Variants in BBS10 observed in about 807,000 individuals in gnomAD.
BBS10 encodes BBSome complex assembly protein BBS10.
Under a neutral mutation model 12.7 loss-of-function variants are expected in BBS10, and 13 were observed. The ratio of observed to expected loss-of-function variants is 1.03; its 90% CI spans 0.67 to 1.63. The LOEUF (loss-of-function observed/expected upper bound fraction) is 1.63, where lower values mean the gene tolerates loss of function less well. Ranked by LOEUF, BBS10 falls within the 40% of genes most tolerant of loss-of-function variation. The pLI, the probability that BBS10 is intolerant of heterozygous loss-of-function variation, is 0.00. For missense variants in BBS10, 858 were observed against 858.0 expected, an observed-to-expected ratio of 1.00 and a Z score of 0.00; for synonymous variants, 294 against 304.8, an observed-to-expected ratio of 0.96 and a Z score of 0.37.
In BBS10 at chr12:76,345,692, G is replaced by T; in HGVS notation, c.*121C>A. ...GTGACCTTAGTGTGCTTCTTCTAAA[G>T]ACTTTTAAAGTTACGCTATTTTCCT... On this transcript the variant is annotated 3_prime_UTR_variant, in exon 2 of 2. Transcript: ENST00000650064. The T allele has an allele frequency of 1.1e-6, 1 of 893,194 alleles. No individual in the cohort carries two copies. The allele number at this position is 893,194 out of a possible 1,614,324, so 55.3% of individuals were successfully genotyped here.
rs111773727 is a variant in BBS10, at chr12:76,346,301, A to C, written c.1684T>G (p.Leu562Val). The C allele has an allele frequency of 2.1e-5, 34 of 1,613,786 alleles. No homozygotes were observed. The highest frequency in any genetic ancestry group is 2.8e-5 in the Non-Finnish European group (33 of 1,179,904). ...TTTCTAGTAATATTTGTGACCTGTA[A>C]ATTTTCGTAAGAAATTTCTATTCTA... ...GNRIEISYENLQVTNITRKGS... is the reference protein window; with the variant it reads ...GNRIEISYENVQVTNITRKGS... The change falls in exon 2 of 2, where the codon TTA becomes GTA. Residue 562 changes from leucine to valine, a missense_variant. Leu to Val is a conservative substitution (Grantham distance 32, BLOSUM62 1). Transcript: ENST00000650064.
intron 1 of BBS10, 79 bp downstream of exon 1, chr12:76,348,083 T>C: frequency 6.8e-7 from 1 of 1,471,326 alleles, no homozygotes; most frequent in Non-Finnish European, 9.2e-7. Flanking sequence ...TAAGTACGCA[T>C]CGCCTCAGGA....
Position 76,346,957 on chromosome 12 carries a change from C to T in BBS10, c.1028G>A (p.Arg343Gln), listed in dbSNP as rs201335653. 2.3e-4 allele frequency: 372 copies of T among 1,610,700 alleles called. No homozygotes were observed. The highest frequency in any genetic ancestry group is 3.0e-4 in the Non-Finnish European group (356 of 1,179,990). ...AAATGGAGAAAGACCAATGATCCTC[C>T]GGATAAGAGAAACTTCTTCTGATGA... ...CLSSEEVSLI[R>Q]RIIGLSPFVP... The change falls in exon 2 of 2, where the codon CGG becomes CAG. Residue 343 changes from arginine (R) to glutamine (Q), a missense_variant. Physicochemically the swap from Arg to Gln is conservative, Grantham distance 43. Transcript: ENST00000650064.
Position 76,346,437 on chromosome 12 carries a change from T to G in BBS10, c.1548A>C (p.Thr516=). Residue 516 remains threonine, a synonymous_variant, in exon 2 of 2, where the codon ACA becomes ACC. Transcript: ENST00000650064. ...YSTPTLTPTD[T]FQTVETLTCL... ...ATGTCAGCGTTTCAACTGTTTGGAA[T>G]GTATCTGTTGGTGTCAGTGTGGGGG... 6.2e-7 allele frequency: 1 copy of G among 1,614,186 alleles called. No individual in the cohort carries two copies. The highest frequency in any genetic ancestry group is 8.5e-7 in the Non-Finnish European group (1 of 1,180,004).
intron 1 of BBS10, 83 bp downstream of exon 1, chr12:76,348,079 C>T: frequency 3.5e-6 from 5 of 1,443,882 alleles, no homozygotes; most frequent in Non-Finnish European, 4.7e-6. Flanking sequence ...TTTCTAAGTA[C>T]GCATCGCCTC....
At chr12:76,348,002 G>T (rs1357201518) in intron 1 of BBS10, among the ~76,000 whole-genome samples, 160 bp downstream of exon 1, 1 of 152,198 alleles carries the variant, frequency 6.6e-6, no homozygotes, top group Non-Finnish European at 1.5e-5. Context: ...AAGATTTGGG[G>T]TGCAGGAGTG....
chr12:76,346,843 T>C lies in BBS10; in HGVS notation c.1142A>G (p.Tyr381Cys), dbSNP rs1217115736. 4 of 1,614,086 alleles carry C rather than the reference T, an allele frequency of 2.5e-6. No homozygotes were observed. The highest frequency in any genetic ancestry group is 1.3e-5 in the African/African-American group (1 of 75,052). ...CKPLILRSKR[Y>C]VHLGLISTCA... is the part of the protein sequence containing the mutation. ...TGTGCTTATCAAGCCTAGATGAACA[T>C]ATCTTTTGGATCTAAGGATAAGAGG... Residue 381 changes from tyrosine to cysteine, a missense_variant, in exon 2 of 2, where the codon TAT becomes TGT. Physicochemically the swap from Tyr to Cys is radical, Grantham distance 194. Transcript: ENST00000650064.
Position 76,347,697 on chromosome 12 carries a change from T to C in BBS10, c.288A>G (p.Gly96=), listed in dbSNP as rs2136091268. 6.2e-7 allele frequency: 1 copy of C among 1,612,000 alleles called. No homozygotes were observed. Among genetic ancestry groups the C allele is most frequent in the Non-Finnish European group, 8.5e-7 (1 of 1,179,722 alleles). ...FIIFLCHLLR[G]LHAITDREKD... Reference sequence around the variant, plus strand: ...TTTCTCTGTCTGTGATTGCATGAAGTCCTCTAAGCAAATGGCAAAGAAAGA... The same window carrying C: ...TTTCTCTGTCTGTGATTGCATGAAGCCCTCTAAGCAAATGGCAAAGAAAGA... The change falls in exon 2 of 2, where the codon GGA becomes GGG. Residue 96 remains glycine (G), a synonymous_variant. Coordinates refer to ENST00000650064, the MANE Select transcript of BBS10 (RefSeq NM_024685.4).
In BBS10 at chr12:76,345,558, G is replaced by T; in HGVS notation, c.*255C>A. On this transcript the variant is annotated 3_prime_UTR_variant, in exon 2 of 2. Transcript: ENST00000650064. ...CCCTAAACACATAGGCTAACACAGA[G>T]CTGAGACACAGAGGCATAAAATAGG... 2.2e-6 allele frequency: 1 copy of T among 452,068 alleles called. No homozygotes were observed. Among genetic ancestry groups the T allele is most frequent in the Non-Finnish European group, 4.1e-6 (1 of 244,778 alleles). The allele number at this position is 452,068 out of a possible 1,614,324, so 28.0% of individuals were successfully genotyped here. A position where few individuals can be genotyped will look rare whatever the true frequency, so the allele number is the denominator to read the frequency against.
At position 76,346,065 on chromosome 12, in the gene BBS10, A is replaced by T; in HGVS notation, c.1920T>A (p.Ile640=). 6.2e-7 allele frequency: 1 copy of T among 1,613,754 alleles called. No homozygotes were observed. The highest frequency in any genetic ancestry group is 1.3e-5 in the African/African-American group (1 of 75,050). ...TTTTAGATTTATAAAGGACTTTGGG[A>T]ATGCCTAAAAGTGCATTAGCTATTA... ...SMIIANALLG[I]PKVLYKSKTG... Residue 640 remains isoleucine, a synonymous_variant, in exon 2 of 2, where the codon ATT becomes ATA. Transcript: ENST00000650064.
chr12:76,348,068 CTTTCT>C (rs1951776655), intron 1 of BBS10, 89 bp downstream of exon 1: 1 of 1,417,390 alleles, frequency 7.1e-7, no homozygotes, highest in Non-Finnish European at 9.6e-7. Context: ...CGAGGTCAGT[CTTTCT>C]AAGTACGCAT....
In BBS10 at chr12:76,346,910, G is replaced by C. The variant is rs767572725; in HGVS notation, c.1075C>G (p.Gln359Glu). The C allele has an allele frequency of 3.3e-5, 54 of 1,612,552 alleles. No homozygotes were observed. The Admixed American group carries it at 9.0e-4, about 27-fold the overall frequency. ...SPFVPPQAFS[Q>E]CEIPNTALVK... is the part of the protein sequence containing the mutation. ...AAAGCAGTGTTAGGTATTTCACACT[G>C]CGAAAAGGCCTGTGGTGGTACAAAT... is the stretch of plus-strand genomic sequence containing the variant. Residue 359 changes from glutamine (Q) to glutamate (E), a missense_variant, in exon 2 of 2, where the codon CAG becomes GAG. Physicochemically the swap from Gln to Glu is conservative, Grantham distance 29. Transcript: ENST00000650064.
In BBS10 at chr12:76,347,125, T is replaced by C. The variant is rs761377435; in HGVS notation, c.860A>G (p.Gln287Arg). The change falls in exon 2 of 2, where the codon CAA (glutamine) becomes CGA (arginine). Residue 287 changes from glutamine (Q) to arginine (R), a missense_variant. Physicochemically the swap from Gln to Arg is conservative, Grantham distance 43. Coordinates refer to ENST00000650064, the MANE Select transcript of BBS10 (RefSeq NM_024685.4). Reference sequence around the variant, plus strand: ...TTTTGTCTTTTCCATAATCCAAAATTGAGATGTCTGAAACTGTGCTTCTGA... The same window carrying C: ...TTTTGTCTTTTCCATAATCCAAAATCGAGATGTCTGAAACTGTGCTTCTGA... ...LNSEAQFQTS[Q>R]FWIMEKTKAI... 6.2e-7 allele frequency: 1 copy of C among 1,612,056 alleles called. No homozygotes were observed. Among genetic ancestry groups the C allele is most frequent in the Non-Finnish European group, 8.5e-7 (1 of 1,179,784 alleles).
rs762331843 is a variant in BBS10 at position 76,347,583 on chromosome 12, T to C, written c.402A>G (p.Leu134=). Reference sequence around the variant, plus strand: ...CGTCTAATATTTGTGTCTGAAACGTTAGGAGAGCCTGGGAAATAAATTTCC... The same window carrying C: ...CGTCTAATATTTGTGTCTGAAACGTCAGGAGAGCCTGGGAAATAAATTTCC... The part of the protein sequence containing the change: ...SRWKFISQAL[L]TFQTQILDGI... Residue 134 remains leucine (L), a synonymous_variant, in exon 2 of 2, where the codon CTA becomes CTG. Transcript: ENST00000650064. The C allele has an allele frequency of 8.1e-6, 13 of 1,613,716 alleles. No individual in the cohort carries two copies. Among genetic ancestry groups the C allele is most frequent in the South Asian group, 3.3e-5 (3 of 91,084 alleles).
Position 76,345,830 on chromosome 12 carries a change from A to G in BBS10, c.2155T>C (p.Ser719Pro). The part of the protein sequence containing the change: ...RHPQKVHNQD[S>P]EDEL ...TTCTGATGTTATAGTTCATCTTCTG[A>G]ATCTTGATTGTGAACTTTCTGAGGG... The change falls in exon 2 of 2, where the codon TCA becomes CCA. Residue 719 changes from serine (S) to proline (P), a missense_variant. Coordinates refer to ENST00000650064, the MANE Select transcript of BBS10 (RefSeq NM_024685.4). 5 of 1,613,594 alleles carry G rather than the reference A, an allele frequency of 3.1e-6. No homozygotes were observed. Among genetic ancestry groups the G allele is most frequent in the Non-Finnish European group, 4.2e-6 (5 of 1,179,716 alleles).
In BBS10 at chr12:76,347,684, T is replaced by C. The variant is rs1436717561; in HGVS notation, c.301A>G (p.Thr101Ala). 6.2e-7 allele frequency: 1 copy of C among 1,613,170 alleles called. No individual in the cohort carries two copies. The highest frequency in any genetic ancestry group is 8.5e-7 in the Non-Finnish European group (1 of 1,179,970). Residue 101 changes from threonine to alanine, a missense_variant, in exon 2 of 2, where the codon ACA becomes GCA. Thr to Ala is a moderately conservative substitution (Grantham distance 58). Transcript: ENST00000650064. ...CHLLRGLHAI[T>A]DREKDPLMCE... Reference sequence around the variant, plus strand: ...ATCAAAGGATCCTTTTCTCTGTCTGTGATTGCATGAAGTCCTCTAAGCAAA... The same window carrying C: ...ATCAAAGGATCCTTTTCTCTGTCTGCGATTGCATGAAGTCCTCTAAGCAAA...
chr12:76,347,851 T>C (rs1379663924), intron 1 of BBS10, 64 bp from the exon 2 acceptor site: 3 of 1,493,886 alleles, frequency 2.0e-6, no homozygotes, highest in Admixed American at 1.7e-5. Context: ...CTTAAAACCA[T>C]GTTTACACAG....
chr12:76,345,786 A>C lies in BBS10; in HGVS notation c.*27T>G, dbSNP rs1345557556. ...TTTACTTGGCTTGAGTTAGATGAAA[A>C]GTTTGGTTAATTAAAAACTTCTGAT... On this transcript the variant is annotated 3_prime_UTR_variant, in exon 2 of 2. Coordinates refer to ENST00000650064, the MANE Select transcript of BBS10 (RefSeq NM_024685.4). 1.9e-6 allele frequency: 3 copies of C among 1,599,360 alleles called. No individual in the cohort carries two copies. The South Asian group carries it at 3.3e-5, about 18-fold the overall frequency.
In BBS10 at chr12:76,348,237, G is replaced by T; in HGVS notation, c.122C>A (p.Pro41His). ...PEGRQVLCTK[P>H]TGEVLLSRNG... ...CCGGCTGAGAAGCACCTCGCCAGTG[G>T]GCTTCGTACACAAAACTTGCCGTCC... The change falls in exon 1 of 2, where the codon CCC (proline) becomes CAC (histidine). Residue 41 changes from proline to histidine, a missense_variant. By Grantham distance (77) the Pro-to-His change is moderately conservative. Coordinates refer to ENST00000650064, the MANE Select transcript of BBS10 (RefSeq NM_024685.4). The T allele has an allele frequency of 6.2e-7, 1 of 1,613,870 alleles. No individual in the cohort carries two copies. The highest frequency in any genetic ancestry group is 8.5e-7 in the Non-Finnish European group (1 of 1,179,838).
Sources: allele counts gnomAD v4.1 joint callset (sites outside exome capture counted in the v4.1 genomes callset), GRCh38; gene constraint gnomAD v4.1.1; transcripts MANE v1.5; gene names NCBI Gene and HGNC (gene_info 2026-07-23, HGNC 2026-07-21).